IFT74: variants seen among roughly 807,000 people sequenced by gnomAD.
IFT74 encodes intraflagellar transport protein 74 homolog.
Under a neutral mutation model 96.7 loss-of-function variants are expected in IFT74, and 92 were observed. The ratio of observed to expected loss-of-function variants is 0.95; its 90% CI spans 0.80 to 1.13. IFT74 has a LOEUF of 1.13. Among genes scored for constraint, IFT74 ranks in the 50% most tolerant of loss-of-function variants. IFT74 has a pLI of 0.00. For missense variants in IFT74, 811 were observed against 698.2 expected, an observed-to-expected ratio of 1.16 and a Z score of -1.82; for synonymous variants, 223 against 213.2, an observed-to-expected ratio of 1.05 and a Z score of -0.40.
intron 8 of IFT74, chr9:26,996,285 G>A (rs1209620339): frequency 1.5e-6 from 2 of 1,336,496 alleles, no homozygotes; most frequent in Non-Finnish European, 2.1e-6. Context: ...ATTCAGCAGT[G>A]TTAATATATA....
rs774193823 is a variant in IFT74 at position 26,990,194 on chromosome 9, G to A, written c.586G>A (p.Ala196Thr). The change falls in exon 8 of 20, where the codon GCG becomes ACG. Residue 196 changes from alanine (A) to threonine (T), a missense_variant and splice_region_variant. Ala to Thr is a moderately conservative substitution (Grantham distance 58, BLOSUM62 0). Coordinates refer to ENST00000380062, the MANE Select transcript of IFT74 (RefSeq NM_025103.4). ...GGATGTCATATTTACTGAAAGACAAGCGTAAGTATAGCTAATTTAAAAATT... is the reference window on the plus strand; with the variant it reads ...GGATGTCATATTTACTGAAAGACAAACGTAAGTATAGCTAATTTAAAAATT... ...SLDVIFTERQ[A>T]KEKQIRSVEE... is the part of the protein sequence containing the mutation. 2 of 1,417,664 alleles carry A rather than the reference G, an allele frequency of 1.4e-6. No individual in the cohort carries two copies. Among genetic ancestry groups the A allele is most frequent in the Non-Finnish European group, 1.9e-6 (2 of 1,069,910 alleles). 87.8% of individuals were successfully genotyped at this position (1,417,664 alleles called of 1,614,324 possible).
At position 26,998,164 on chromosome 9, in the gene IFT74, A is replaced by G. The variant is rs756280142; in HGVS notation, c.587+7969A>G. The stretch of plus-strand genomic sequence containing the variant: ...TAAGAGTAATTTGGTTATAACTGAG[A>G]TCAAGTATAGTAACATCTTTCTTGA... On this transcript the variant is annotated intron_variant, in intron 8 of 19. Coordinates refer to ENST00000380062, the MANE Select transcript of IFT74 (RefSeq NM_025103.4). 3.6e-5 allele frequency: 58 copies of G among 1,599,222 alleles called. No homozygotes were observed. The East Asian group carries it at 1.3e-3, about 35-fold the overall frequency.
intron 15 of IFT74, among the ~76,000 whole-genome samples, 198 bp downstream of exon 15, chr9:27,047,569 T>C (rs1052511755): frequency 6.6e-6 from 1 of 152,142 alleles, no homozygotes; most frequent in Non-Finnish European, 1.5e-5. Context: ...ATTAGGGCAA[T>C]AGAGAAAAAG....
intron 12 of IFT74, 46 bp from the exon 13 acceptor site, chr9:27,028,979 A>G (rs1829998101): frequency 1.3e-6 from 2 of 1,484,590 alleles, no homozygotes; most frequent in African/African-American, 1.4e-5. Context: ...GTTTTTATTG[A>G]ATGTCTATAT....
At position 27,061,677 on chromosome 9, in the gene IFT74, G is replaced by GTATATATA. The variant is rs10668267; in HGVS notation, c.1685-929_1685-922dup. Among the ~76,000 whole-genome samples the GTATATATA allele has an allele frequency of 9.0e-3, 1,289 of 143,068 alleles. 24 individuals carry two copies. Among genetic ancestry groups the GTATATATA allele is most frequent in the East Asian group, 0.063 (297 of 4,692 alleles). The allele number at this position is 143,068 out of a possible 152,430, so 93.9% of individuals were successfully genotyped here. ...ACCATATAGTTATATATATCCACAA[G>GTATATATA]TATATATATATATATATATGTACAT... On this transcript the variant is annotated intron_variant, in intron 19 of 19. Coordinates refer to ENST00000380062, the MANE Select transcript of IFT74 (RefSeq NM_025103.4).
intron 18 of IFT74, among the ~76,000 whole-genome samples, chr9:27,060,176 A>G (rs1055118446): frequency 6.6e-6 from 1 of 152,172 alleles, no homozygotes; most frequent in Non-Finnish European, 1.5e-5. Flanking sequence ...GGAAATAAGG[A>G]AGTTTCTCCT....
intron 13 of IFT74, chr9:27,036,636 T>A (rs2131664505): frequency 7.0e-7 from 1 of 1,435,938 alleles, no homozygotes; most frequent in East Asian, 2.5e-5. Context: ...GCAGTGTTCA[T>A]CTGGCATTTT....
rs531914678 is a variant in IFT74, at chr9:27,029,249, A to T, written c.1054+145A>T. ...TATTACTAACTTTACTAAAATATATACTGTATGAGTAATATTAAAGCAATG... is the reference window on the plus strand; with the variant it reads ...TATTACTAACTTTACTAAAATATATTCTGTATGAGTAATATTAAAGCAATG... On this transcript the variant is annotated intron_variant, in intron 13 of 19. Coordinates refer to ENST00000380062, the MANE Select transcript of IFT74 (RefSeq NM_025103.4). The T allele has an allele frequency of 1.3e-4, 68 of 511,820 alleles. 1 individual carries two copies. Among genetic ancestry groups the T allele is most frequent in the South Asian group, 1.3e-3 (26 of 20,376 alleles). The allele number at this position is 511,820 out of a possible 1,614,324, so 31.7% of individuals were successfully genotyped here.
intron 13 of IFT74, among the ~76,000 whole-genome samples, chr9:27,034,033 A>G (rs1257957897): frequency 6.6e-6 from 1 of 152,168 alleles, no homozygotes; most frequent in South Asian, 2.1e-4. Flanking sequence ...TTTTCTGAGC[A>G]TCTATTAATA....
chr9:27,047,713 CAT>C (rs1324612212), intron 15 of IFT74, among the ~76,000 whole-genome samples: 1 of 152,114 alleles, frequency 6.6e-6, no homozygotes, highest in African/African-American at 2.4e-5. Flanking sequence ...AAAATCTAGA[CAT>C]GTTAGAAAAT....
At chr9:27,040,886 G>A (rs1463741828) in intron 13 of IFT74, among the ~76,000 whole-genome samples, 1 of 152,184 alleles carries the variant, frequency 6.6e-6, no homozygotes, top group Non-Finnish European at 1.5e-5. Flanking sequence ...GCCTGAGTCA[G>A]GAGAACGTCA....
chr9:26,969,069 T>C (rs1479528386), intron 2 of IFT74, among the ~76,000 whole-genome samples: 1 of 152,162 alleles, frequency 6.6e-6, no homozygotes, highest in Non-Finnish European at 1.5e-5. Context: ...CTCTTAGTGC[T>C]CCTTTTGCTG....
At chr9:26,982,495 T>A in intron 4 of IFT74, 1 of 338,780 alleles carries the variant, frequency 3.0e-6, no homozygotes. Flanking sequence ...TTGCTCTTGT[T>A]GCCCAGGCTG....
chr9:27,027,141 A>G (rs892588485), intron 12 of IFT74, among the ~76,000 whole-genome samples: 1 of 152,186 alleles, frequency 6.6e-6, no homozygotes, highest in African/African-American at 2.4e-5. Flanking sequence ...GGGAGATACT[A>G]CAACCAATAC....
rs185971832 is a variant in IFT74 at position 26,991,801 on chromosome 9, C to T, written c.587+1606C>T. Among the ~76,000 whole-genome samples, 533 of 152,022 alleles carry T rather than the reference C, an allele frequency of 3.5e-3. 1 individual carries two copies. The highest frequency in any genetic ancestry group is 0.01 in the African/African-American group (422 of 41,452). On this transcript the variant is annotated intron_variant, in intron 8 of 19. Transcript: ENST00000380062. ...ATCCCAGCACTTTGGGAGGCCGAGG[C>T]GGGTGGATCATGAGGTCAGGAGATC...
intron 18 of IFT74, among the ~76,000 whole-genome samples, chr9:27,057,750 C>T (rs569396697): frequency 6.6e-5 from 10 of 151,782 alleles, no homozygotes; most frequent in South Asian, 4.2e-4. Context: ...CCCAGCTACT[C>T]GGGAGGCTGA....
rs551871985 is a variant in IFT74 at position 27,012,383 on chromosome 9, T to G, written c.789+415T>G. ...GACTTCAGGCAGGAACCACCACACC[T>G]GGCTAATTTTTTTTTTACTTTTTGT... On this transcript the variant is annotated intron_variant, in intron 10 of 19. Transcript: ENST00000380062. Among the ~76,000 whole-genome samples, 32 of 151,970 alleles carry G rather than the reference T, an allele frequency of 2.1e-4. No homozygotes were observed. In the East Asian group the frequency reaches 6.0e-3, roughly 29 times the overall value.
intron 12 of IFT74, among the ~76,000 whole-genome samples, chr9:27,022,713 G>T (rs999088409): frequency 6.6e-6 from 1 of 151,280 alleles, no homozygotes; most frequent in Non-Finnish European, 1.5e-5. Flanking sequence ...CGCAATCTTG[G>T]CTCACTGCAA....
intron 8 of IFT74, chr9:26,997,803 A>G (rs1309984758): frequency 6.2e-7 from 1 of 1,614,004 alleles, no homozygotes; most frequent in East Asian, 2.2e-5. Context: ...AGGTTTCCAT[A>G]TAAAGTTATT....
Sources: allele counts gnomAD v4.1 joint callset (sites outside exome capture counted in the v4.1 genomes callset), GRCh38; gene constraint gnomAD v4.1.1; transcripts MANE v1.5; gene names NCBI Gene and HGNC (gene_info 2026-07-23, HGNC 2026-07-21).